Variants in HMCN2 observed in about 807,000 individuals in gnomAD.
The protein encoded by HMCN2 is hemicentin 2.
In HMCN2, 325 loss-of-function variants were observed where a neutral mutation model predicts 377.5. That is an observed-to-expected ratio of 0.86 (90% confidence interval 0.79 to 0.94). The LOEUF (loss-of-function observed/expected upper bound fraction) is 0.94, where lower values mean the gene tolerates loss of function less well. HMCN2 is among the 40% of genes least tolerant of loss of function. HMCN2 has a pLI of 0.00. For synonymous variants in HMCN2, 2,007 were observed against 2,046.8 expected (o/e 0.98, Z 0.53); for missense variants, 4,543 against 4,725.3 (o/e 0.96, Z 1.13).
intron 8 of HMCN2, among the ~76,000 whole-genome samples, chr9:130,300,992 C>A (rs1345366768): frequency 6.6e-6 from 1 of 152,222 alleles, no homozygotes; most frequent in Non-Finnish European, 1.5e-5. Context: ...CATTAACATT[C>A]TAGTACTTCT....
chr9:130,407,430 GAACGTGTCTGATTTGATC>G, intron 82 of HMCN2, 123 bp from the exon 83 acceptor site: 1 of 664,594 alleles, frequency 1.5e-6, no homozygotes, highest in Non-Finnish European at 2.2e-6. Flanking sequence ...TGCCTCCCAG[GAACGTGTCTGATTTGATC>G]AACCTTCACC....
chr9:130,289,147 T>C (rs969665794), intron 4 of HMCN2, among the ~76,000 whole-genome samples: 9 of 152,130 alleles, frequency 5.9e-5, no homozygotes, highest in Admixed American at 2.0e-4. Context: ...CTTTTTTTCC[T>C]GGGAGAGCAC....
rs782772344 is a variant in HMCN2, at chr9:130,295,782, C to T, written c.891+10C>T. ...GCTGTGGTCCATCAAGGTAGGGGCACTGGGTTGCAGGAGAAAGGTCGACTA... is the reference window on the plus strand; with the variant it reads ...GCTGTGGTCCATCAAGGTAGGGGCATTGGGTTGCAGGAGAAAGGTCGACTA... On this transcript the variant is annotated intron_variant, in intron 6 of 97. Transcript: ENST00000683500. 8.9e-5 allele frequency: 42 copies of T among 470,444 alleles called. No homozygotes were observed. The Middle Eastern group carries it at 5.2e-3, about 58-fold the overall frequency. The allele number at this position is 470,444 out of a possible 1,614,324, so 29.1% of individuals were successfully genotyped here.
chr9:130,391,235 G>A lies in HMCN2; in HGVS notation c.9699G>A (p.Ala3233=), dbSNP rs867061684. ...VAPRIRSSGV[A]REHHVLEGQE... ...CCCGGATCCGGAGCTCGGGCGTGGC[G>A]CGGGAGCACCATGTCTTGGAAGGGC... Residue 3233 remains alanine, a synonymous_variant, in exon 64 of 98, where the codon GCG becomes GCA. Transcript: ENST00000683500. 4.8e-5 allele frequency: 47 copies of A among 987,786 alleles called. No individual in the cohort carries two copies. Among genetic ancestry groups the A allele is most frequent in the South Asian group, 4.2e-4 (9 of 21,380 alleles). The allele number at this position is 987,786 out of a possible 1,614,324, so 61.2% of individuals were successfully genotyped here.
At chr9:130,309,514 CAAAAAAAA>C (rs143190808) in intron 14 of HMCN2, among the ~76,000 whole-genome samples, 2 of 72,386 alleles carry the variant, frequency 2.8e-5, no homozygotes, top group African/African-American at 1.1e-4. Context: ...GACTCTGTCT[CAAAAAAAA>C]AAAAAAAAAA....
chr9:130,317,733 C>CCGAGATTG (rs1837637773), intron 15 of HMCN2, among the ~76,000 whole-genome samples: 1 of 150,676 alleles, frequency 6.6e-6, no homozygotes, highest in South Asian at 2.1e-4. Flanking sequence ...TCGCAGGGAG[C>CCGAGATTG]CGAGATTGCG....
At position 130,424,760 on chromosome 9, in the gene HMCN2, GC is replaced by G; in HGVS notation, c.13382-13del. ...GGATCAGCTCTAACCCGGCCTCTAT[GC>G]CCTGCCCCACCCAGGGCCTCTGATG... On this transcript the variant is annotated splice_polypyrimidine_tract_variant and intron_variant, in intron 87 of 97. Transcript: ENST00000683500. 6.5e-7 allele frequency: 1 copy of G among 1,528,176 alleles called. No homozygotes were observed. Among genetic ancestry groups the G allele is most frequent in the Non-Finnish European group, 8.8e-7 (1 of 1,136,144 alleles). The allele number at this position is 1,528,176 out of a possible 1,614,324, so 94.7% of individuals were successfully genotyped here.
chr9:130,348,683 TCC>T lies in HMCN2; in HGVS notation c.4155+12_4155+13del. The T allele has an allele frequency of 2.1e-6, 1 of 468,262 alleles. No homozygotes were observed. The highest frequency in any genetic ancestry group is 2.2e-5 in the African/African-American group (1 of 45,140). The allele number at this position is 468,262 out of a possible 1,614,324, so 29.0% of individuals were successfully genotyped here. The stretch of plus-strand genomic sequence containing the variant: ...CTGAAGGACGCGCAGCTGGTGGGTG[TCC>T]CCCTAGGGTGGGCGGGGTATGGGTG... On this transcript the variant is annotated intron_variant, in intron 27 of 97. Coordinates refer to ENST00000683500, the MANE Select transcript of HMCN2 (RefSeq NM_001291815.2).
rs1035040868 is a variant in HMCN2, at chr9:130,397,422, C to A, written c.11199-106C>A. The A allele has an allele frequency of 6.7e-5, 73 of 1,083,456 alleles. 1 individual carries two copies. The highest frequency in any genetic ancestry group is 2.4e-4 in the Middle Eastern group (1 of 4,092). 67.1% of individuals were successfully genotyped at this position (1,083,456 alleles called of 1,614,324 possible). A position where few individuals can be genotyped will look rare whatever the true frequency, so the allele number is the denominator to read the frequency against. The stretch of plus-strand genomic sequence containing the variant: ...AGACAGAGCCAAACCATATCAGCAT[C>A]CTCTCACTGGGAAAGTGGGGGCAGA... On this transcript the variant is annotated intron_variant, in intron 73 of 97. Transcript: ENST00000683500.
chr9:130,376,554 G>T lies in HMCN2; in HGVS notation c.7957G>T (p.Val2653Phe), dbSNP rs1841391556. Residue 2653 changes from valine (V) to phenylalanine (F), a missense_variant, in exon 52 of 98, where the codon GTC becomes TTC. Val to Phe is a conservative substitution (Grantham distance 50). This residue lies in a region of HMCN2 where 736 missense variants were observed against 773.2 expected (regional missense o/e 0.95). Transcript: ENST00000683500. ...CTCCAAAGACGACCCCTTGGCGGAGGTCGGCGTGAAGGAGGTGAAGACCAA... is the reference window on the plus strand; with the variant it reads ...CTCCAAAGACGACCCCTTGGCGGAGTTCGGCGTGAAGGAGGTGAAGACCAA... ...SISKDDPLAE[V>F]GVKEVKTKVN... 11 of 985,826 alleles carry T rather than the reference G, an allele frequency of 1.1e-5. No homozygotes were observed. The highest frequency in any genetic ancestry group is 1.3e-5 in the Non-Finnish European group (11 of 829,956). The allele number at this position is 985,826 out of a possible 1,614,324, so 61.1% of individuals were successfully genotyped here. A position where few individuals can be genotyped will look rare whatever the true frequency, so the allele number is the denominator to read the frequency against.
rs1331649030 is a variant in HMCN2, at chr9:130,391,270, G to A, written c.9734G>A (p.Arg3245Gln). 7 of 987,626 alleles carry A rather than the reference G, an allele frequency of 7.1e-6. No homozygotes were observed. Among genetic ancestry groups the A allele is most frequent in the African/African-American group, 5.2e-5 (3 of 57,322 alleles). 61.2% of individuals were successfully genotyped at this position (987,626 alleles called of 1,614,324 possible). The change falls in exon 64 of 98, where the codon CGG becomes CAG. Residue 3245 changes from arginine to glutamine, a missense_variant. Physicochemically the swap from Arg to Gln is conservative, Grantham distance 43 (BLOSUM62 1). This residue lies in a region of HMCN2 where 736 missense variants were observed against 773.2 expected (regional missense o/e 0.95). Transcript: ENST00000683500. ...EHHVLEGQEV[R>Q]LDCEADGQPP... ...CATGTCTTGGAAGGGCAGGAGGTGC[G>A]GCTGGACTGTGAGGCCGATGGGCAG...
chr9:130,426,680 C>T (rs551294124), intron 90 of HMCN2, among the ~76,000 whole-genome samples: 88 of 152,272 alleles, frequency 5.8e-4, no homozygotes, highest in Non-Finnish European at 9.3e-4. Flanking sequence ...GCCCACAGGC[C>T]GCATGCCACC....
chr9:130,356,894 G>C (rs952947481), intron 34 of HMCN2, among the ~76,000 whole-genome samples: 3 of 152,306 alleles, frequency 2.0e-5, no homozygotes, highest in Admixed American at 6.5e-5. Flanking sequence ...GGATAGATCA[G>C]TGGGTGGGTG....
At chr9:130,368,837 T>C (rs1170093762) in intron 44 of HMCN2, among the ~76,000 whole-genome samples, 1 of 152,068 alleles carries the variant, frequency 6.6e-6, no homozygotes, top group Non-Finnish European at 1.5e-5. Context: ...AAGAACAGCA[T>C]AGGGGAAACC....
intron 3 of HMCN2, among the ~76,000 whole-genome samples, 161 bp downstream of exon 3, chr9:130,285,477 G>A (rs1041205420): frequency 1.3e-5 from 2 of 152,208 alleles, no homozygotes; most frequent in African/African-American, 2.4e-5. Context: ...CAGAGCCTCC[G>A]AACCAAGTTG....
At chr9:130,344,289 GTGTA>G (rs1839222392) in intron 25 of HMCN2, among the ~76,000 whole-genome samples, 1 of 151,902 alleles carries the variant, frequency 6.6e-6, no homozygotes, top group Non-Finnish European at 1.5e-5. Flanking sequence ...TGTGTATGTG[GTGTA>G]TGTGTCATGT....
At position 130,372,277 on chromosome 9, in the gene HMCN2, C is replaced by T. The variant is rs780177789; in HGVS notation, c.7238-17C>T. On this transcript the variant is annotated splice_polypyrimidine_tract_variant and intron_variant, in intron 46 of 97. Coordinates refer to ENST00000683500, the MANE Select transcript of HMCN2 (RefSeq NM_001291815.2). ...TGCTCAGAGCCATGCTTGGGGCCCA[C>T]GCCCCTCCCTCCCCAGGTGGCTGGA... The T allele has an allele frequency of 1.9e-5, 18 of 961,076 alleles. No individual in the cohort carries two copies. The highest frequency in any genetic ancestry group is 6.2e-5 in the Admixed American group (1 of 16,238). The allele number at this position is 961,076 out of a possible 1,614,324, so 59.5% of individuals were successfully genotyped here.
rs913504124 is a variant in HMCN2, at chr9:130,394,764, C to T, written c.10692+189C>T. Among the ~76,000 whole-genome samples, 3 of 152,162 alleles carry T rather than the reference C, an allele frequency of 2.0e-5. No individual in the cohort carries two copies. The highest frequency in any genetic ancestry group is 4.4e-5 in the Non-Finnish European group (3 of 68,028). ...GCTGCCAGCAGGGTCAGGGCCCAGG[C>T]TGATGCCAAAACCAGGTGACCCCAT... On this transcript the variant is annotated intron_variant, in intron 69 of 97. Coordinates refer to ENST00000683500, the MANE Select transcript of HMCN2 (RefSeq NM_001291815.2). The surrounding 1 kb of genome is among the most constrained non-coding windows in gnomAD (Gnocchi z 5.1).
chr9:130,293,278 A>ATTTTTTTTTTTT (rs1554930691), intron 4 of HMCN2, among the ~76,000 whole-genome samples: 1 of 30,018 alleles, frequency 3.3e-5, no homozygotes. Flanking sequence ...TACTCACTAA[A>ATTTTTTTTTTTT]GTTTTTTTTT....
Sources: allele counts gnomAD v4.1 joint callset (sites outside exome capture counted in the v4.1 genomes callset), GRCh38; gene constraint gnomAD v4.1.1; regional missense constraint gnomAD v4.1.1; non-coding constraint Gnocchi (gnomAD v3.1); transcripts MANE v1.5; gene names NCBI Gene and HGNC (gene_info 2026-07-23, HGNC 2026-07-21).